The following ZNF141 variants were observed in gnomAD, a reference collection of about 807,000 sequenced individuals.
The protein encoded by ZNF141 is zinc finger protein 141.
In ZNF141, 7 loss-of-function variants were observed where a neutral mutation model predicts 11.3. The ratio of observed to expected loss-of-function variants is 0.62; its 90% confidence interval spans 0.35 to 1.16. The LOEUF is 1.16. Ranked by LOEUF, ZNF141 falls within the 50% of genes most tolerant of loss-of-function variation. The probability of loss-of-function intolerance (pLI) is 0.02; values close to 1 mark genes in which losing one functional copy is unlikely to be tolerated. For missense variants in ZNF141, 535 were observed against 554.0 expected (o/e 0.97, Z 0.34); for synonymous variants, 183 against 190.7 (o/e 0.96, Z 0.33).
chr4:383,412 G>A lies in ZNF141; in HGVS notation c.*9550G>A. 1 of 403,152 alleles carries A rather than the reference G, an allele frequency of 2.5e-6. No homozygotes were observed. The highest frequency in any genetic ancestry group is 3.6e-5 in the East Asian group (1 of 27,680). The allele number at this position is 403,152 out of a possible 1,614,324, so 25.0% of individuals were successfully genotyped here. A position where few individuals can be genotyped will look rare whatever the true frequency, so the allele number is the denominator to read the frequency against. On this transcript the variant is annotated 3_prime_UTR_variant, in exon 4 of 4. Transcript: ENST00000240499. ...GATTGATCACAAATAACCTGCAAATGCTTGCCACCCTGTAAGTATTGATTT... is the reference window on the plus strand; with the variant it reads ...GATTGATCACAAATAACCTGCAAATACTTGCCACCCTGTAAGTATTGATTT...
chr4:354,301 A>G (rs782714598), intron 3 of ZNF141, among the ~76,000 whole-genome samples: 1 of 152,184 alleles, frequency 6.6e-6, no homozygotes, highest in Non-Finnish European at 1.5e-5. Flanking sequence ...TCATGTGAAC[A>G]CAGCATGCCC....
rs1446445810 is a variant in ZNF141, at chr4:375,730, A to G, written c.*1868A>G. Among the ~76,000 whole-genome samples the G allele has an allele frequency of 6.6e-6, 1 of 152,140 alleles. No individual in the cohort carries two copies. The highest frequency in any genetic ancestry group is 1.5e-5 in the Non-Finnish European group (1 of 67,954). On this transcript the variant is annotated 3_prime_UTR_variant, in exon 4 of 4. Coordinates refer to ENST00000240499, the MANE Select transcript of ZNF141 (RefSeq NM_003441.4). ...TGAAAAGCATATAATAGTTAATTCA[A>G]CTCAAATTATTTCATACTGTTTCAA...
At chr4:355,656 C>T (rs2108702504) in intron 3 of ZNF141, among the ~76,000 whole-genome samples, 1 of 152,258 alleles carries the variant, frequency 6.6e-6, no homozygotes, top group African/African-American at 2.4e-5. Context: ...CTCTAGTTTG[C>T]AGCATATTGT....
intron 1 of ZNF141, among the ~76,000 whole-genome samples, chr4:340,577 T>C (rs1231076741): frequency 6.6e-6 from 1 of 152,200 alleles, no homozygotes; most frequent in Non-Finnish European, 1.5e-5. Flanking sequence ...CTCCAAGTCT[T>C]AAATGTGCAG....
Position 383,421 on chromosome 4 carries a change from C to G in ZNF141, c.*9559C>G. On this transcript the variant is annotated 3_prime_UTR_variant, in exon 4 of 4. Coordinates refer to ENST00000240499, the MANE Select transcript of ZNF141 (RefSeq NM_003441.4). ...CAAATAACCTGCAAATGCTTGCCAC[C>G]CTGTAAGTATTGATTTTCTTTTTTC... 3 of 393,546 alleles carry G rather than the reference C, an allele frequency of 7.6e-6. No individual in the cohort carries two copies. Among genetic ancestry groups the G allele is most frequent in the East Asian group, 3.7e-5 (1 of 27,048 alleles). 24.4% of individuals were successfully genotyped at this position (393,546 alleles called of 1,614,324 possible).
In ZNF141 at chr4:377,775, ATAAG is replaced by A. The variant is rs1397182217; in HGVS notation, c.*3917_*3920del. Among the ~76,000 whole-genome samples, 6 of 152,228 alleles carry A rather than the reference ATAAG, an allele frequency of 3.9e-5. No individual in the cohort carries two copies. Among genetic ancestry groups the A allele is most frequent in the Non-Finnish European group, 5.9e-5 (4 of 68,044 alleles). On this transcript the variant is annotated 3_prime_UTR_variant, in exon 4 of 4. Coordinates refer to ENST00000240499, the MANE Select transcript of ZNF141 (RefSeq NM_003441.4). ...TGTGTAAAATGTAACAAAAGTTAGA[ATAAG>A]TAAAACATTAATATAAGTGGGTTGT... is the stretch of plus-strand genomic sequence containing the variant.
chr4:361,882 G>A (rs1436082994), intron 3 of ZNF141, among the ~76,000 whole-genome samples: 1 of 151,998 alleles, frequency 6.6e-6, no homozygotes, highest in Non-Finnish European at 1.5e-5. Flanking sequence ...TAGTCCTTTG[G>A]GTATATACCC....
Position 383,010 on chromosome 4 carries a change from T to G in ZNF141, c.*9148T>G. On this transcript the variant is annotated 3_prime_UTR_variant, in exon 4 of 4. Transcript: ENST00000240499. ...AGATTCTGTTTCCCAAACCTTGAACTTCTCTTGACTTATCTGCACTGGCAC... is the reference window on the plus strand; with the variant it reads ...AGATTCTGTTTCCCAAACCTTGAACGTCTCTTGACTTATCTGCACTGGCAC... 1.9e-6 allele frequency: 1 copy of G among 519,434 alleles called. No individual in the cohort carries two copies. 32.2% of individuals were successfully genotyped at this position (519,434 alleles called of 1,614,324 possible).
At chr4:348,776 C>G (rs1212048519) in intron 3 of ZNF141, among the ~76,000 whole-genome samples, 1 of 150,440 alleles carries the variant, frequency 6.6e-6, no homozygotes, top group African/African-American at 2.4e-5. Flanking sequence ...TGTTCTTTCT[C>G]AAGATTGATT....
Position 373,962 on chromosome 4 carries a change from G to A in ZNF141, c.*100G>A. 9.1e-7 allele frequency: 1 copy of A among 1,099,514 alleles called. No individual in the cohort carries two copies. Among genetic ancestry groups the A allele is most frequent in the Non-Finnish European group, 1.3e-6 (1 of 755,642 alleles). 68.1% of individuals were successfully genotyped at this position (1,099,514 alleles called of 1,614,324 possible). A position where few individuals can be genotyped will look rare whatever the true frequency, so the allele number is the denominator to read the frequency against. On this transcript the variant is annotated 3_prime_UTR_variant, in exon 4 of 4. Coordinates refer to ENST00000240499, the MANE Select transcript of ZNF141 (RefSeq NM_003441.4). The stretch of plus-strand genomic sequence containing the variant: ...TATACTGTAGAGAAACCCTGGAAAT[G>A]TGAAGAACGTGGCAAAGTTCTTTAC...
At position 374,085 on chromosome 4, in the gene ZNF141, C is replaced by T. The variant is rs989859921; in HGVS notation, c.*223C>T. 16 of 564,762 alleles carry T rather than the reference C, an allele frequency of 2.8e-5. No homozygotes were observed. The Admixed American group carries it at 3.6e-4, about 13-fold the overall frequency. 35.0% of individuals were successfully genotyped at this position (564,762 alleles called of 1,614,324 possible). On this transcript the variant is annotated 3_prime_UTR_variant, in exon 4 of 4. Transcript: ENST00000240499. ...CAAAGCCTGTGAATGGTCCACAAAC[C>T]TGAATGAGCAGAAGAAAATTATTAC... is the stretch of plus-strand genomic sequence containing the variant.
rs1712810301 is a variant in ZNF141, at chr4:384,286, G to C, written c.*10424G>C. The C allele has an allele frequency of 6.6e-6, 1 of 152,242 alleles. No individual in the cohort carries two copies. The highest frequency in any genetic ancestry group is 2.4e-5 in the African/African-American group (1 of 41,456). The allele number at this position is 152,242 out of a possible 1,614,324, so 9.4% of individuals were successfully genotyped here. The stretch of plus-strand genomic sequence containing the variant: ...TGAAGACATGGTGCTCTCTCTTCCT[G>C]TGGACCCATCATTCCTTGTTTACCA... On this transcript the variant is annotated 3_prime_UTR_variant, in exon 4 of 4. Transcript: ENST00000240499.
chr4:369,762 ATATT>A (rs1711954152), intron 3 of ZNF141, among the ~76,000 whole-genome samples: 5 of 33,506 alleles, frequency 1.5e-4, no homozygotes, highest in African/African-American at 7.5e-4. Flanking sequence ...ATATATATAT[ATATT>A]TTTTTTTTTT....
Position 375,973 on chromosome 4 carries a change from T to G in ZNF141, c.*2111T>G, listed in dbSNP as rs909257208. ...TGTTCAGAGTAATATTCTTCTGCAT[T>G]ATAGTGAGAGAAAATCTGTTTTAGT... On this transcript the variant is annotated 3_prime_UTR_variant, in exon 4 of 4. Transcript: ENST00000240499. 6.6e-6 allele frequency among the ~76,000 whole-genome samples: 1 copy of G among 152,048 alleles called. No individual in the cohort carries two copies. Among genetic ancestry groups the G allele is most frequent in the Non-Finnish European group, 1.5e-5 (1 of 67,888 alleles).
intron 3 of ZNF141, among the ~76,000 whole-genome samples, chr4:345,364 C>G (rs1560181858): frequency 6.6e-6 from 1 of 152,078 alleles, no homozygotes; most frequent in African/African-American, 2.4e-5. Flanking sequence ...AATGTAAACT[C>G]TATATGTGCA....
At chr4:338,104 C>G in intron 1 of ZNF141, 118 bp downstream of exon 1, 1 of 1,391,716 alleles carries the variant, frequency 7.2e-7, no homozygotes, top group South Asian at 1.2e-5. Flanking sequence ...AGCCCTGGGG[C>G]CTCAGTACCC....
At chr4:369,764 A>ATATATCTTTTT in intron 3 of ZNF141, among the ~76,000 whole-genome samples, 26 of 48,724 alleles carry the variant, frequency 5.3e-4, no homozygotes, top group African/African-American at 3.9e-3. Flanking sequence ...ATATATATAT[A>ATATATCTTTTT]TTTTTTTTTT....
Position 337,925 on chromosome 4 carries a change from G to A in ZNF141, c.-59G>A. 1 of 1,609,068 alleles carries A rather than the reference G, an allele frequency of 6.2e-7. No homozygotes were observed. The highest frequency in any genetic ancestry group is 1.1e-5 in the South Asian group (1 of 91,012). ...CACAGCTCAGCCTCCGTCGCTCTGT[G>A]ACCTGCGGGTATTGGATGATTGGTA... On this transcript the variant is annotated 5_prime_UTR_variant, in exon 1 of 4. Transcript: ENST00000240499.
chr4:355,090 A>G (rs1212949248), intron 3 of ZNF141, among the ~76,000 whole-genome samples: 1 of 152,078 alleles, frequency 6.6e-6, no homozygotes, highest in Non-Finnish European at 1.5e-5. Flanking sequence ...TATTGGATAC[A>G]TAAATATTTT....
Sources: gnomAD v4.1 joint callset for allele counts (sites outside exome capture counted in the v4.1 genomes callset) on GRCh38, gnomAD v4.1.1 for gene constraint, MANE v1.5 for transcripts, NCBI Gene and HGNC (gene_info 2026-07-23, HGNC 2026-07-21) for gene names.